Variants in PCSK2 observed in about 807,000 individuals in gnomAD.
The protein encoded by PCSK2 is proprotein convertase subtilisin/kexin type 2.
A neutral mutation model predicts 69.7 loss-of-function variants in PCSK2; 14 were observed. That is an observed-to-expected ratio of 0.20 (90% CI 0.13 to 0.31). The LOEUF (loss-of-function observed/expected upper bound fraction) is 0.31. PCSK2 is among the 10% of genes least tolerant of loss of function. The pLI, the probability that PCSK2 is intolerant of heterozygous loss-of-function variation, is 1.00. For missense variants in PCSK2, 544 were observed against 842.5 expected, an observed-to-expected ratio of 0.65 and a Z score of 4.39; for synonymous variants, 307 against 320.7, an observed-to-expected ratio of 0.96 and a Z score of 0.46.
intron 2 of PCSK2, among the ~76,000 whole-genome samples, chr20:17,300,785 T>C (rs1238745702): frequency 6.6e-6 from 1 of 152,236 alleles, no homozygotes; most frequent in African/African-American, 2.4e-5. Context: ...CTAATGTGAG[T>C]TGAGACTTTA....
intron 6 of PCSK2, among the ~76,000 whole-genome samples, chr20:17,425,168 A>G (rs1568643961): frequency 1.3e-5 from 2 of 152,242 alleles, no homozygotes; most frequent in Admixed American, 6.5e-5. Flanking sequence ...GAGTCATCAT[A>G]CTATTCACTG....
chr20:17,463,961 C>T (rs1336510384), intron 10 of PCSK2: 1 of 152,168 alleles, frequency 6.6e-6, no homozygotes, highest in Non-Finnish European at 1.5e-5. Flanking sequence ...TGCACTGCAG[C>T]TCAGCACACA....
At chr20:17,456,227 T>G in intron 9 of PCSK2, 121 bp from the exon 10 acceptor site, 2 of 655,296 alleles carry the variant, frequency 3.1e-6, no homozygotes, top group South Asian at 1.8e-5. Flanking sequence ...GGCAACAGAG[T>G]GAGGCTGTCT....
At chr20:17,355,928 T>A (rs1301779846) in intron 2 of PCSK2, among the ~76,000 whole-genome samples, 1 of 152,176 alleles carries the variant, frequency 6.6e-6, no homozygotes, top group Non-Finnish European at 1.5e-5. Flanking sequence ...TTTGCCCAAC[T>A]TTGTTCACTG....
rs542930240 is a variant in PCSK2 at position 17,238,710 on chromosome 20, C to A, written c.177+11228C>A. On this transcript the variant is annotated intron_variant, in intron 1 of 11. Coordinates refer to ENST00000262545, the MANE Select transcript of PCSK2 (RefSeq NM_002594.5). ...CCATACTAATTCATTTCAGGTCCTCCTGATGTGCTTTTTTGGTTTGTTTTT... is the reference window on the plus strand; with the variant it reads ...CCATACTAATTCATTTCAGGTCCTCATGATGTGCTTTTTTGGTTTGTTTTT... Among the ~76,000 whole-genome samples, 4 of 152,236 alleles carry A rather than the reference C, an allele frequency of 2.6e-5. No homozygotes were observed. The East Asian group carries it at 7.7e-4, about 29-fold the overall frequency.
intron 11 of PCSK2, among the ~76,000 whole-genome samples, chr20:17,478,340 C>T (rs1422229032): frequency 6.6e-6 from 1 of 152,152 alleles, no homozygotes; most frequent in Non-Finnish European, 1.5e-5. Flanking sequence ...GAGACATATG[C>T]CCATAATAGG....
chr20:17,360,210 G>A (rs1413700664), intron 3 of PCSK2, among the ~76,000 whole-genome samples: 1 of 152,150 alleles, frequency 6.6e-6, no homozygotes, highest in African/African-American at 2.4e-5. Context: ...AAATCAGGGA[G>A]GGTTTCCTGC....
chr20:17,477,808 T>C (rs1482386010), intron 11 of PCSK2, among the ~76,000 whole-genome samples: 3 of 152,190 alleles, frequency 2.0e-5, no homozygotes, highest in Non-Finnish European at 4.4e-5. Context: ...ACTGATTTTG[T>C]GTGCAGGGTT....
At chr20:17,326,505 T>A (rs926875116) in intron 2 of PCSK2, among the ~76,000 whole-genome samples, 1 of 152,230 alleles carries the variant, frequency 6.6e-6, no homozygotes, top group Non-Finnish European at 1.5e-5. Context: ...CAACATCGTG[T>A]CATTAGTTGT....
rs1056586261 is a variant in PCSK2 at position 17,478,942 on chromosome 20, C to T, written c.1431-2642C>T. The stretch of plus-strand genomic sequence containing the variant: ...TAATCTGCCAATTGCTATGATATTG[C>T]TTGCTTACAATATTCAGTTTTTGTT... On this transcript the variant is annotated intron_variant, in intron 11 of 11. Coordinates refer to ENST00000262545, the MANE Select transcript of PCSK2 (RefSeq NM_002594.5). The T allele has an allele frequency of 2.9e-5, 17 of 593,620 alleles. No individual in the cohort carries two copies. In the Admixed American group the frequency reaches 4.8e-4, roughly 17 times the overall value. 36.8% of individuals were successfully genotyped at this position (593,620 alleles called of 1,614,324 possible). A position where few individuals can be genotyped will look rare whatever the true frequency, so the allele number is the denominator to read the frequency against.
At chr20:17,329,235 A>G (rs1037836954) in intron 2 of PCSK2, among the ~76,000 whole-genome samples, 3 of 152,200 alleles carry the variant, frequency 2.0e-5, no homozygotes, top group African/African-American at 7.2e-5. Context: ...TTGGAGAAAA[A>G]GAAACCTAGC....
At chr20:17,395,125 C>G (rs1231088557) in intron 5 of PCSK2, among the ~76,000 whole-genome samples, 1 of 152,186 alleles carries the variant, frequency 6.6e-6, no homozygotes, top group African/African-American at 2.4e-5. Flanking sequence ...TTCTGTTTAT[C>G]TCCCAAGGTC....
rs60206058 is a variant in PCSK2, at chr20:17,428,997, C to CAAAAAAAAAAA, written c.621-416_621-406dup. On this transcript the variant is annotated intron_variant, in intron 6 of 11. Coordinates refer to ENST00000262545, the MANE Select transcript of PCSK2 (RefSeq NM_002594.5). Reference sequence around the variant, plus strand: ...CTGGGTGACCGAGGAGACTCTGTCTCAAAAAAAAAAAAAAAAAAAAAAAAA... The same window carrying CAAAAAAAAAAA: ...CTGGGTGACCGAGGAGACTCTGTCTCAAAAAAAAAAAAAAAAAAAAAAAAAAAAAAAAAAAA... Among the ~76,000 whole-genome samples, 33 of 36,948 alleles carry CAAAAAAAAAAA rather than the reference C, an allele frequency of 8.9e-4. 2 individuals are homozygous for CAAAAAAAAAAA. The highest frequency in any genetic ancestry group is 1.5e-3 in the African/African-American group (8 of 5,474). The allele number at this position is 36,948 out of a possible 152,430, so 24.2% of individuals were successfully genotyped here. A position where few individuals can be genotyped will look rare whatever the true frequency, so the allele number is the denominator to read the frequency against.
chr20:17,290,934 C>T (rs1239212831), intron 2 of PCSK2, among the ~76,000 whole-genome samples: 1 of 152,022 alleles, frequency 6.6e-6, no homozygotes, highest in Non-Finnish European at 1.5e-5. Flanking sequence ...AGCCCACCCC[C>T]ACGGTACCTA....
intron 8 of PCSK2, among the ~76,000 whole-genome samples, chr20:17,440,846 G>A (rs116527754): frequency 1.4e-5 from 2 of 145,860 alleles, no homozygotes; most frequent in East Asian, 2.0e-4. Flanking sequence ...TGGGCATCAG[G>A]AGTGAAACTC....
At chr20:17,289,271 CT>C (rs1988617174) in intron 2 of PCSK2, among the ~76,000 whole-genome samples, 1 of 152,036 alleles carries the variant, frequency 6.6e-6, no homozygotes, top group Non-Finnish European at 1.5e-5. Flanking sequence ...ATTTGTGTAC[CT>C]AAAACAAGCC....
At chr20:17,226,871 C>A (rs960046825), upstream of PCSK2, 1 of 9,836 alleles carries the variant, frequency 1.0e-4, no homozygotes, top group Non-Finnish European at 2.2e-4. Flanking sequence ...CGGGGGTGGG[C>A]GGGGGCGGGC....
chr20:17,238,637 G>A (rs1437469674), intron 1 of PCSK2, among the ~76,000 whole-genome samples: 1 of 152,040 alleles, frequency 6.6e-6, no homozygotes, highest in East Asian at 1.9e-4. Context: ...CAACTAGATT[G>A]GGTGAGACTC....
intron 11 of PCSK2, among the ~76,000 whole-genome samples, chr20:17,472,768 T>C (rs2033223880): frequency 1.3e-5 from 2 of 152,140 alleles, no homozygotes; most frequent in South Asian, 2.1e-4. Flanking sequence ...GGTTTCACCA[T>C]GTTGGCCAGG....
Sources: allele counts gnomAD v4.1 joint callset (sites outside exome capture counted in the v4.1 genomes callset), GRCh38; gene constraint gnomAD v4.1.1; transcripts MANE v1.5; gene names NCBI Gene and HGNC (gene_info 2026-07-23, HGNC 2026-07-21).